CREB5: variants seen among roughly 807,000 people sequenced by gnomAD.
The protein encoded by CREB5 is cyclic AMP-responsive element-binding protein 5.
A neutral mutation model predicts 57.1 loss-of-function variants in CREB5; 19 were observed. The ratio of observed to expected loss-of-function variants is 0.33; its 90% CI spans 0.23 to 0.49. The LOEUF (loss-of-function observed/expected upper bound fraction) is 0.49. Ranked by LOEUF, CREB5 falls within the 20% of genes least tolerant of loss-of-function variation. The pLI is 0.99. For missense variants in CREB5, 579 were observed against 671.6 expected (o/e 0.86, Z 1.52); for synonymous variants, 238 against 238.3 (o/e 1.00, Z 0.01).
At chr7:28,781,562 T>G (rs1001718948) in intron 7 of CREB5, among the ~76,000 whole-genome samples, 1 of 152,152 alleles carries the variant, frequency 6.6e-6, no homozygotes, top group Non-Finnish European at 1.5e-5. Flanking sequence ...GGATGAATCA[T>G]CCACAGCATT....
chr7:28,417,345 TTCTC>T (rs1312888585), intron 1 of CREB5, among the ~76,000 whole-genome samples: 2 of 142,148 alleles, frequency 1.4e-5, no homozygotes, highest in South Asian at 2.4e-4. Context: ...CATTCTCTCT[TTCTC>T]TCTCTTTTTT....
At chr7:28,673,109 A>G (rs1486007455) in intron 5 of CREB5, among the ~76,000 whole-genome samples, 2 of 152,170 alleles carry the variant, frequency 1.3e-5, no homozygotes, top group Non-Finnish European at 2.9e-5. Flanking sequence ...ATTTGGATTT[A>G]CCCAGAGTAA....
intron 4 of CREB5, among the ~76,000 whole-genome samples, chr7:28,555,067 C>T (rs1794809174): frequency 6.7e-6 from 1 of 150,122 alleles, no homozygotes. Flanking sequence ...TAGGACTCAG[C>T]ACACTAGAGG....
chr7:28,436,514 A>G (rs147088532), intron 1 of CREB5, among the ~76,000 whole-genome samples: 145 of 152,200 alleles, frequency 9.5e-4, no homozygotes, highest in African/African-American at 3.3e-3. Flanking sequence ...GGATTTTTGG[A>G]GGGGTAGAAA....
intron 5 of CREB5, among the ~76,000 whole-genome samples, chr7:28,573,507 C>T (rs553101998): frequency 3.9e-5 from 6 of 152,244 alleles, no homozygotes; most frequent in South Asian, 2.1e-4. Context: ...TCTTGTGCTG[C>T]GGCCAGCGGG....
intron 3 of CREB5, among the ~76,000 whole-genome samples, chr7:28,499,477 G>A (rs895570216): frequency 1.3e-5 from 2 of 152,108 alleles, no homozygotes; most frequent in African/African-American, 4.8e-5. Flanking sequence ...AGGGAGAGGG[G>A]AAGATAAAGT....
chr7:28,551,412 A>T (rs1794637142), intron 4 of CREB5, among the ~76,000 whole-genome samples: 1 of 152,012 alleles, frequency 6.6e-6, no homozygotes, highest in Non-Finnish European at 1.5e-5. Context: ...GCCCACCCCT[A>T]GCCAAATCCT....
intron 7 of CREB5, among the ~76,000 whole-genome samples, chr7:28,751,760 AAACTT>A (rs1342399364): frequency 6.6e-6 from 1 of 152,242 alleles, no homozygotes; most frequent in Non-Finnish European, 1.5e-5. Context: ...GTTATTAACT[AAACTT>A]CAGACTTTAT....
intron 5 of CREB5, among the ~76,000 whole-genome samples, chr7:28,612,543 GGTGTGTGTGTGT>G (rs59074697): frequency 1.5e-3 from 208 of 137,372 alleles, no homozygotes; most frequent in South Asian, 7.9e-3. Flanking sequence ...TTAGAGAAGG[GGTGTGTGTGTGT>G]GTGTGTGTGT....
Position 28,724,014 on chromosome 7 carries a change from C to G in CREB5, c.592-208C>G, listed in dbSNP as rs141133185. On this transcript the variant is annotated intron_variant, in intron 6 of 10. Coordinates refer to ENST00000357727, the MANE Select transcript of CREB5 (RefSeq NM_182898.4). ...GTAGTTCTCTTTGGCCTGGGGCACC[C>G]TGTATAGAAGCACGGCTTTGGATGA... 5.2e-3 allele frequency among the ~76,000 whole-genome samples: 797 copies of G among 152,248 alleles called. 3 individuals are homozygous for G. Among genetic ancestry groups the G allele is most frequent in the Middle Eastern group, 0.017 (5 of 294 alleles).
intron 1 of CREB5, among the ~76,000 whole-genome samples, chr7:28,467,309 C>T (rs1186025957): frequency 2.0e-5 from 3 of 152,156 alleles, no homozygotes; most frequent in Non-Finnish European, 4.4e-5. Flanking sequence ...TTAGGACTGG[C>T]CATGCCATTA....
intron 1 of CREB5, among the ~76,000 whole-genome samples, chr7:28,369,910 C>T (rs1033662975): frequency 1.3e-5 from 2 of 152,166 alleles, no homozygotes; most frequent in Non-Finnish European, 2.9e-5. Context: ...GAATCCCTGG[C>T]TCATGTTCTG....
chr7:28,625,782 A>G lies in CREB5; in HGVS notation c.464+55245A>G, dbSNP rs553413458. Among the ~76,000 whole-genome samples, 3 of 152,346 alleles carry G rather than the reference A, an allele frequency of 2.0e-5. 1 individual carries two copies. Among genetic ancestry groups the G allele is most frequent in the African/African-American group, 7.2e-5 (3 of 41,584 alleles). ...ATGGAAAATGTGCTATCAGACTTTA[A>G]GAGGAGTAAATCAACACAGGTCTTC... On this transcript the variant is annotated intron_variant, in intron 5 of 10. Transcript: ENST00000357727.
At chr7:28,367,649 A>G (rs113151936) in intron 1 of CREB5, among the ~76,000 whole-genome samples, 4,199 of 152,160 alleles carry the variant, frequency 0.028, 174 homozygotes, top group African/African-American at 0.096. Flanking sequence ...CTCTACTAAA[A>G]ATACAAAAAT....
At chr7:28,622,672 A>T (rs765951276) in intron 5 of CREB5, among the ~76,000 whole-genome samples, 1 of 152,114 alleles carries the variant, frequency 6.6e-6, no homozygotes, top group Admixed American at 6.6e-5. Context: ...GAGATGTTCA[A>T]TGACTTATTT....
At chr7:28,724,589 A>G in intron 7 of CREB5, 1 of 435,082 alleles carries the variant, frequency 2.3e-6, no homozygotes, top group South Asian at 2.6e-5. Context: ...GATCCATACA[A>G]GTTGGGGTAG....
chr7:28,477,334 T>A (rs1791118581), intron 1 of CREB5, among the ~76,000 whole-genome samples: 1 of 152,188 alleles, frequency 6.6e-6, no homozygotes, highest in Non-Finnish European at 1.5e-5. Flanking sequence ...ACGTCCCCAC[T>A]GGGTGCTGCC....
intron 5 of CREB5, among the ~76,000 whole-genome samples, chr7:28,607,690 A>G (rs17156907): frequency 0.037 from 5,652 of 151,936 alleles, 327 homozygotes; most frequent in African/African-American, 0.13. Flanking sequence ...ACAAAATGAT[A>G]AAGAACATTG....
intron 1 of CREB5, among the ~76,000 whole-genome samples, chr7:28,397,109 A>G (rs1326114505): frequency 6.6e-6 from 1 of 152,204 alleles, no homozygotes; most frequent in African/African-American, 2.4e-5. Flanking sequence ...TTTATTTTAA[A>G]GGCGCAGTGT....
Sources: gnomAD v4.1 joint callset for allele counts (sites outside exome capture counted in the v4.1 genomes callset) on GRCh38, gnomAD v4.1.1 for gene constraint, MANE v1.5 for transcripts, NCBI Gene and HGNC (gene_info 2026-07-23, HGNC 2026-07-21) for gene names.